Variants in ATG14 observed in about 807,000 individuals in gnomAD.
ATG14 encodes the protein autophagy related 14.
Under a neutral mutation model 60.4 loss-of-function variants are expected in ATG14, and 35 were observed. The observed-to-expected ratio is 0.58, with a 90% CI of 0.44 to 0.77. The LOEUF (loss-of-function observed/expected upper bound fraction) is 0.77. Among genes scored for constraint, ATG14 ranks in the 30% least tolerant of loss-of-function variants. The probability of loss-of-function intolerance (pLI) is 0.00; values close to 1 mark genes in which losing one functional copy is unlikely to be tolerated. For missense variants in ATG14, 647 were observed against 626.3 expected, an observed-to-expected ratio of 1.03 and a Z score of -0.35; for synonymous variants, 234 against 228.8, an observed-to-expected ratio of 1.02 and a Z score of -0.21.
Position 55,377,859 on chromosome 14 carries a change from G to T in ATG14, c.1132C>A (p.Leu378Ile), listed in dbSNP as rs758872579. ...GAGCTTGGACTGACCAGGTACATTAGATTCCTGAGGGTATGCAGTGGTTGT... is the reference window on the plus strand; with the variant it reads ...GAGCTTGGACTGACCAGGTACATTATATTCCTGAGGGTATGCAGTGGTTGT... ...QLQPLHTLRNLMYLVSPSSEH... is the reference protein window; with the variant it reads ...QLQPLHTLRNIMYLVSPSSEH... The change falls in exon 9 of 10, where the codon CTA becomes ATA. Residue 378 changes from leucine (L) to isoleucine (I), a missense_variant. By Grantham distance (5) the Leu-to-Ile change is conservative. Coordinates refer to ENST00000247178, the MANE Select transcript of ATG14 (RefSeq NM_014924.5). 2.5e-6 allele frequency: 4 copies of T among 1,603,234 alleles called. No individual in the cohort carries two copies. Among genetic ancestry groups the T allele is most frequent in the Non-Finnish European group, 3.4e-6 (4 of 1,176,956 alleles).
intron 9 of ATG14, among the ~76,000 whole-genome samples, chr14:55,377,384 A>G (rs780099115): frequency 5.3e-5 from 8 of 152,078 alleles, no homozygotes; most frequent in Non-Finnish European, 1.2e-4. Flanking sequence ...TACGACGGAC[A>G]AGGAGTGAGG....
At chr14:55,396,349 C>T (rs1885313571) in intron 2 of ATG14, among the ~76,000 whole-genome samples, 1 of 152,148 alleles carries the variant, frequency 6.6e-6, no homozygotes, top group Non-Finnish European at 1.5e-5. Context: ...AGCATCTCCA[C>T]ATATTGGTTC....
Position 55,369,692 on chromosome 14 carries a change from C to T in ATG14, c.1406G>A (p.Ser469Asn). The change falls in exon 10 of 10, where the codon AGT becomes AAT. Residue 469 changes from serine to asparagine, a missense_variant. By Grantham distance (46) the Ser-to-Asn change is conservative (BLOSUM62 1). Coordinates refer to ENST00000247178, the MANE Select transcript of ATG14 (RefSeq NM_014924.5). ...TGCAGAGGAGATCATCCCACCTGCA[C>T]TGCTGCTCGCGATGGGTGGGGACGC... ...TQASPPIASS[S>N]AGGMISSAAA... is the part of the protein sequence containing the mutation. 1.2e-6 allele frequency: 2 copies of T among 1,603,166 alleles called. No individual in the cohort carries two copies. Among genetic ancestry groups the T allele is most frequent in the South Asian group, 2.2e-5 (2 of 89,254 alleles).
intron 9 of ATG14, among the ~76,000 whole-genome samples, chr14:55,376,720 G>C (rs958611750): frequency 2.0e-5 from 3 of 152,156 alleles, no homozygotes; most frequent in African/African-American, 7.2e-5. Context: ...AAACCCAAAA[G>C]AACTTTCCCG....
chr14:55,393,917 AT>A (rs1210448204), intron 3 of ATG14, among the ~76,000 whole-genome samples: 13 of 151,128 alleles, frequency 8.6e-5, no homozygotes, highest in African/African-American at 3.2e-4. Context: ...CTAGTTTATT[AT>A]TTTTTTCCAT....
intron 1 of ATG14, among the ~76,000 whole-genome samples, chr14:55,400,828 C>T (rs1221209958): frequency 7.9e-5 from 12 of 151,798 alleles, no homozygotes; most frequent in Non-Finnish European, 1.3e-4. Context: ...TGCTTGAACC[C>T]GGGAAGCGGA....
At position 55,390,478 on chromosome 14, in the gene ATG14, A is replaced by T. The variant is rs188519511; in HGVS notation, c.409+433T>A. The stretch of plus-strand genomic sequence containing the variant: ...AAGCTCTGCCTCCTGGGTTCACACC[A>T]TTCTCCTGCCTCAGCCTCCCAAGTA... On this transcript the variant is annotated intron_variant, in intron 4 of 9. Coordinates refer to ENST00000247178, the MANE Select transcript of ATG14 (RefSeq NM_014924.5). 6.3e-3 allele frequency among the ~76,000 whole-genome samples: 956 copies of T among 152,092 alleles called. 11 individuals are homozygous for T. Among genetic ancestry groups the T allele is most frequent in the African/African-American group, 0.022 (904 of 41,442 alleles).
intron 1 of ATG14, among the ~76,000 whole-genome samples, chr14:55,410,965 A>C (rs1020822286): frequency 3.3e-5 from 5 of 152,224 alleles, no homozygotes; most frequent in Admixed American, 6.5e-5. Context: ...CCTAAAGGCA[A>C]TTCTCTTAAC....
intron 1 of ATG14, among the ~76,000 whole-genome samples, chr14:55,408,909 G>T (rs1277952275): frequency 6.6e-6 from 1 of 152,222 alleles, no homozygotes; most frequent in Non-Finnish European, 1.5e-5. Flanking sequence ...CAAATCACAT[G>T]AGGCTTCGTA....
At chr14:55,390,184 C>A (rs934769480) in intron 4 of ATG14, among the ~76,000 whole-genome samples, 6 of 152,152 alleles carry the variant, frequency 3.9e-5, no homozygotes, top group Non-Finnish European at 7.3e-5. Context: ...AAGTCTCCTG[C>A]CTCAGCCTCC....
At chr14:55,372,461 C>A (rs567867551) in intron 9 of ATG14, among the ~76,000 whole-genome samples, 2 of 152,304 alleles carry the variant, frequency 1.3e-5, no homozygotes, top group Admixed American at 1.3e-4. Flanking sequence ...TCAGAACTGA[C>A]TGCCAGGCTA....
At chr14:55,390,669 C>A (rs1254754277) in intron 4 of ATG14, among the ~76,000 whole-genome samples, 3 of 152,204 alleles carry the variant, frequency 2.0e-5, no homozygotes, top group African/African-American at 7.2e-5. Context: ...CCACGCCTGG[C>A]GCCTAACTTT....
intron 1 of ATG14, among the ~76,000 whole-genome samples, chr14:55,402,106 T>C (rs1885408807): frequency 6.6e-6 from 1 of 152,102 alleles, no homozygotes; most frequent in South Asian, 2.1e-4. Flanking sequence ...GGGCATGCAC[T>C]CTATTAGGGA....
At chr14:55,390,227 C>T (rs145995404) in intron 4 of ATG14, among the ~76,000 whole-genome samples, 8,853 of 152,094 alleles carry the variant, frequency 0.058, 320 homozygotes, top group South Asian at 0.09. Flanking sequence ...CCTGCCACCA[C>T]GCCCGGCTAA....
intron 4 of ATG14, among the ~76,000 whole-genome samples, chr14:55,390,015 G>A (rs150364622): frequency 1.3e-5 from 2 of 151,678 alleles, no homozygotes; most frequent in African/African-American, 2.4e-5. Flanking sequence ...TTACAAGTGA[G>A]TACCAAGTTA....
At position 55,369,709 on chromosome 14, in the gene ATG14, T is replaced by C. The variant is rs1276674552; in HGVS notation, c.1389A>G (p.Pro463=). ...VSQSQSTQAS[P]PIASSSAGGM... is the part of the protein sequence containing the mutation. ...CACCTGCACTGCTGCTCGCGATGGG[T>C]GGGGACGCCTGGGTGCTCTGACTCT... The change falls in exon 10 of 10, where the codon CCA becomes CCG. Residue 463 remains proline (P), a synonymous_variant. Coordinates refer to ENST00000247178, the MANE Select transcript of ATG14 (RefSeq NM_014924.5). 1 of 1,610,096 alleles carries C rather than the reference T, an allele frequency of 6.2e-7. No individual in the cohort carries two copies. The highest frequency in any genetic ancestry group is 8.5e-7 in the Non-Finnish European group (1 of 1,177,272).
Position 55,380,754 on chromosome 14 carries a change from C to T in ATG14, c.878-64G>A, listed in dbSNP as rs565486231. Reference sequence around the variant, plus strand: ...TTCCAACAAAACTACTAATAATCCACGAGTTTATCATTTATGATTTTATCA... The same window carrying T: ...TTCCAACAAAACTACTAATAATCCATGAGTTTATCATTTATGATTTTATCA... On this transcript the variant is annotated intron_variant, in intron 6 of 9. Coordinates refer to ENST00000247178, the MANE Select transcript of ATG14 (RefSeq NM_014924.5). 2.4e-5 allele frequency: 25 copies of T among 1,051,230 alleles called. No individual in the cohort carries two copies. In the East Asian group the frequency reaches 4.2e-4, roughly 18 times the overall value. 65.1% of individuals were successfully genotyped at this position (1,051,230 alleles called of 1,614,324 possible).
chr14:55,409,511 T>G lies in ATG14; in HGVS notation c.221+2091A>C, dbSNP rs1017511094. ...AAAGCTGGTTAAATACGCATGAGGT[T>G]AGCATTTTAATAGAAGGATCAGAAA... On this transcript the variant is annotated intron_variant, in intron 1 of 9. Transcript: ENST00000247178. 1.3e-5 allele frequency among the ~76,000 whole-genome samples: 2 copies of G among 151,980 alleles called. 1 individual carries two copies. Among genetic ancestry groups the G allele is most frequent in the African/African-American group, 4.8e-5 (2 of 41,354 alleles).
chr14:55,394,005 A>ATTT (rs1300990357), intron 3 of ATG14, among the ~76,000 whole-genome samples: 3 of 138,924 alleles, frequency 2.2e-5, no homozygotes, highest in African/African-American at 2.6e-5. Context: ...CAGTATCATA[A>ATTT]TTTTTTTTTT....
Sources: gnomAD v4.1 joint callset for allele counts (sites outside exome capture counted in the v4.1 genomes callset) on GRCh38, gnomAD v4.1.1 for gene constraint, MANE v1.5 for transcripts, NCBI Gene and HGNC (gene_info 2026-07-23, HGNC 2026-07-21) for gene names.